LRRC8D: variants seen among roughly 807,000 people sequenced by gnomAD.
The protein encoded by LRRC8D is volume-regulated anion channel subunit LRRC8D.
LRRC8D carries 20 observed loss-of-function variants against 55.8 expected under a neutral mutation model. The ratio of observed to expected loss-of-function variants is 0.36; its 90% CI spans 0.25 to 0.52. The LOEUF is 0.52. LRRC8D is among the 20% of genes least tolerant of loss of function. The probability of loss-of-function intolerance (pLI) is 0.93; values close to 1 mark genes in which losing one functional copy is unlikely to be tolerated. For missense variants in LRRC8D, 651 were observed against 1,030.8 expected (o/e 0.63, Z 5.05); for synonymous variants, 352 against 377.0 (o/e 0.93, Z 0.77).
chr1:89,861,815 T>G lies in LRRC8D; in HGVS notation c.-3+18033T>G, dbSNP rs1458413349. 2.0e-5 allele frequency among the ~76,000 whole-genome samples: 3 copies of G among 152,330 alleles called. No homozygotes were observed. In the East Asian group the frequency reaches 5.8e-4, roughly 29 times the overall value. On this transcript the variant is annotated intron_variant, in intron 2 of 2. Transcript: ENST00000337338. ...ATGTAGAAATCTATGCTGGTAACAT[T>G]TATTTTTTCTTCATCTAAGTTTCTG...
chr1:89,855,964 G>A (rs758497964), intron 2 of LRRC8D, among the ~76,000 whole-genome samples: 2 of 151,860 alleles, frequency 1.3e-5, no homozygotes, highest in Non-Finnish European at 2.9e-5. Flanking sequence ...GCTAGTTCTG[G>A]GGGTTTGTTT....
chr1:89,915,206 T>C (rs1663235226), intron 2 of LRRC8D, among the ~76,000 whole-genome samples: 1 of 152,218 alleles, frequency 6.6e-6, no homozygotes, highest in African/African-American at 2.4e-5. Context: ...AAATCCTAAA[T>C]ACCTAACAGA....
At chr1:89,885,841 A>G (rs1346558686) in intron 2 of LRRC8D, among the ~76,000 whole-genome samples, 2 of 152,166 alleles carry the variant, frequency 1.3e-5, no homozygotes, top group African/African-American at 4.8e-5. Flanking sequence ...CAGGCTGTGG[A>G]GGCAGAATGG....
intron 1 of LRRC8D, among the ~76,000 whole-genome samples, chr1:89,835,148 G>A (rs185567015): frequency 6.6e-6 from 1 of 152,290 alleles, no homozygotes; most frequent in African/African-American, 2.4e-5. Context: ...CCACCCCCAT[G>A]ATTTCAGTGG....
rs1224029529 is a variant in LRRC8D, at chr1:89,934,826, G to C, written c.1758G>C (p.Glu586Asp). Reference sequence around the variant, plus strand: ...TGATAGGACTTGAATCTCTCCGAGAGTTGCGGCACCTTAAGATTCTCCACG... The same window carrying C: ...TGATAGGACTTGAATCTCTCCGAGACTTGCGGCACCTTAAGATTCTCCACG... ...NKMIGLESLRELRHLKILHVK... is the reference protein window; with the variant it reads ...NKMIGLESLRDLRHLKILHVK... The change falls in exon 3 of 3, where the codon GAG (glutamate) becomes GAC (aspartate). Residue 586 changes from glutamate (E) to aspartate (D), a missense_variant. Glu to Asp is a conservative substitution (Grantham distance 45, BLOSUM62 2). This residue lies in a region of LRRC8D where 338 missense variants were observed against 479.4 expected (regional missense o/e 0.71). Coordinates refer to ENST00000337338, the MANE Select transcript of LRRC8D (RefSeq NM_001134479.2). The surrounding 1 kb of genome is among the most constrained non-coding windows in gnomAD (Gnocchi z 5.9). The C allele has an allele frequency of 6.2e-7, 1 of 1,614,160 alleles. No homozygotes were observed. Among genetic ancestry groups the C allele is most frequent in the East Asian group, 2.2e-5 (1 of 44,884 alleles).
chr1:89,843,849 G>A (rs1030233454), intron 2 of LRRC8D, 67 bp downstream of exon 2: 2 of 587,256 alleles, frequency 3.4e-6, no homozygotes, highest in East Asian at 6.0e-5. Flanking sequence ...CACTGCTAGT[G>A]TCGGATCTGC....
intron 2 of LRRC8D, among the ~76,000 whole-genome samples, chr1:89,915,059 G>A (rs916857761): frequency 1.3e-5 from 2 of 151,710 alleles, no homozygotes; most frequent in African/African-American, 4.9e-5. Context: ...GTGTGTGTAT[G>A]TGTGTGGTGT....
Position 89,916,279 on chromosome 1 carries a change from A to G in LRRC8D, c.-2-16788A>G, listed in dbSNP as rs80329644. Among the ~76,000 whole-genome samples the G allele has an allele frequency of 3.3e-3, 499 of 152,352 alleles. 4 individuals are homozygous for G. The highest frequency in any genetic ancestry group is 0.011 in the African/African-American group (475 of 41,574). On this transcript the variant is annotated intron_variant, in intron 2 of 2. Transcript: ENST00000337338. ...TATCAGATCTGCTTTTCTAAAGATC[A>G]TTTGTTATTTTCATAAGAGCTGCAC...
intron 1 of LRRC8D, among the ~76,000 whole-genome samples, chr1:89,839,485 T>C (rs1218635802): frequency 1.3e-5 from 2 of 152,188 alleles, no homozygotes; most frequent in Non-Finnish European, 2.9e-5. Context: ...CTTACAGGCA[T>C]ATTTTTTTTT....
chr1:89,909,242 G>A (rs918585640), intron 2 of LRRC8D, among the ~76,000 whole-genome samples: 6 of 152,146 alleles, frequency 3.9e-5, no homozygotes, highest in Middle Eastern at 3.4e-3. Context: ...ATCTCTCTGG[G>A]TATGCTTGTG....
intron 2 of LRRC8D, 28 bp downstream of exon 2, chr1:89,843,810 G>C (rs1390892182): frequency 1.6e-6 from 1 of 641,304 alleles, no homozygotes; most frequent in Non-Finnish European, 2.9e-6. Context: ...TGGGTCCAGG[G>C]AGCGGGTCGG....
intron 2 of LRRC8D, among the ~76,000 whole-genome samples, chr1:89,895,958 C>T (rs1480614386): frequency 6.6e-6 from 1 of 152,180 alleles, no homozygotes; most frequent in African/African-American, 2.4e-5. Context: ...AAACATATTA[C>T]ATAATATATG....
chr1:89,907,089 A>G (rs1570879330), intron 2 of LRRC8D, among the ~76,000 whole-genome samples: 1 of 151,674 alleles, frequency 6.6e-6, no homozygotes, highest in Non-Finnish European at 1.5e-5. Flanking sequence ...TCATGCAGGA[A>G]GGCTATTTTC....
intron 2 of LRRC8D, among the ~76,000 whole-genome samples, chr1:89,853,627 C>G (rs1374115453): frequency 6.6e-6 from 1 of 152,118 alleles, no homozygotes; most frequent in Non-Finnish European, 1.5e-5. Flanking sequence ...GGTGTCTAAA[C>G]CTCAGGTGAG....
chr1:89,900,385 G>T (rs1374250939), intron 2 of LRRC8D, among the ~76,000 whole-genome samples: 1 of 150,576 alleles, frequency 6.6e-6, no homozygotes, highest in Non-Finnish European at 1.5e-5. Context: ...GGTAAAGGTG[G>T]TGAGAGATGT....
chr1:89,928,937 G>A (rs1256128083), intron 2 of LRRC8D, among the ~76,000 whole-genome samples: 1 of 152,156 alleles, frequency 6.6e-6, no homozygotes, highest in Non-Finnish European at 1.5e-5. Context: ...TAGCAATTCA[G>A]GTTAATAAAA....
At chr1:89,906,809 C>T (rs926857518) in intron 2 of LRRC8D, among the ~76,000 whole-genome samples, 1 of 152,038 alleles carries the variant, frequency 6.6e-6, no homozygotes, top group Non-Finnish European at 1.5e-5. Flanking sequence ...GGTCACAGCT[C>T]TAACCTGCTG....
chr1:89,908,490 T>A (rs1053964135), intron 2 of LRRC8D, among the ~76,000 whole-genome samples: 2 of 152,194 alleles, frequency 1.3e-5, no homozygotes, highest in Middle Eastern at 3.2e-3. Flanking sequence ...GTTATCATCA[T>A]CATCTGTTGA....
chr1:89,909,771 CAA>C (rs1326301644), intron 2 of LRRC8D, among the ~76,000 whole-genome samples: 1 of 148,814 alleles, frequency 6.7e-6, no homozygotes, highest in Non-Finnish European at 1.5e-5. Flanking sequence ...GAGGCTGAGG[CAA>C]GAGAATGGCA....
Sources: gnomAD v4.1 joint callset for allele counts (sites outside exome capture counted in the v4.1 genomes callset) on GRCh38, gnomAD v4.1.1 for gene constraint, gnomAD v4.1.1 regional missense constraint, Gnocchi (gnomAD v3.1) non-coding constraint, MANE v1.5 for transcripts, NCBI Gene and HGNC (gene_info 2026-07-23, HGNC 2026-07-21) for gene names.